CEP350: variants seen among roughly 807,000 people sequenced by gnomAD.
CEP350 encodes centrosomal protein 350.
In CEP350, 126 loss-of-function variants were observed where a neutral mutation model predicts 331.8. That is an observed-to-expected ratio of 0.38 (90% CI 0.33 to 0.44). The LOEUF (loss-of-function observed/expected upper bound fraction) is 0.44, where lower values mean the gene tolerates loss of function less well. Ranked by LOEUF, CEP350 falls within the 20% of genes least tolerant of loss-of-function variation. The pLI is 1.00. For synonymous variants in CEP350, 1,200 were observed against 1,259.5 expected, an observed-to-expected ratio of 0.95 and a Z score of 1.00; for missense variants, 3,406 against 3,634.6, an observed-to-expected ratio of 0.94 and a Z score of 1.62.
rs1410959674 is a variant in CEP350, at chr1:179,996,682, T to C, written c.525T>C (p.Asn175=). Reference sequence around the variant, plus strand: ...TGATAGGCAGTCGAGAAGAACGGAATATACGGAGCTGTGATTTTGAGAGCT... The same window carrying C: ...TGATAGGCAGTCGAGAAGAACGGAACATACGGAGCTGTGATTTTGAGAGCT... ...NWMIGSREER[N]IRSCDFESSQ... Residue 175 remains asparagine (N), a synonymous_variant, in exon 6 of 38, where the codon AAT becomes AAC. Coordinates refer to ENST00000367607, the MANE Select transcript of CEP350 (RefSeq NM_014810.5). 3 of 1,613,706 alleles carry C rather than the reference T, an allele frequency of 1.9e-6. No individual in the cohort carries two copies. The highest frequency in any genetic ancestry group is 2.5e-6 in the Non-Finnish European group (3 of 1,179,768).
At chr1:179,963,770 G>A (rs1383567106) in intron 1 of CEP350, among the ~76,000 whole-genome samples, 1 of 152,076 alleles carries the variant, frequency 6.6e-6, no homozygotes, top group Non-Finnish European at 1.5e-5. Flanking sequence ...GTTGGGTAAT[G>A]TGATGCCTCC....
intron 36 of CEP350, among the ~76,000 whole-genome samples, chr1:180,096,650 G>A (rs74522380): frequency 0.084 from 12,791 of 152,172 alleles, 703 homozygotes; most frequent in Non-Finnish European, 0.12. Context: ...GACTTTGGAG[G>A]TTTCAAATTG....
chr1:180,027,432 A>G (rs1655751812), intron 14 of CEP350, among the ~76,000 whole-genome samples: 1 of 152,130 alleles, frequency 6.6e-6, no homozygotes, highest in South Asian at 2.1e-4. Context: ...AGGCTGGAGT[A>G]CAGTGGTGTG....
At chr1:180,012,361 A>T (rs1292702845) in intron 9 of CEP350, among the ~76,000 whole-genome samples, 1 of 152,218 alleles carries the variant, frequency 6.6e-6, no homozygotes, top group Non-Finnish European at 1.5e-5. Context: ...ACTTTTAGGG[A>T]CCTTAGAGAG....
At chr1:180,048,847 T>C in intron 22 of CEP350, 142 bp downstream of exon 22, 1 of 675,068 alleles carries the variant, frequency 1.5e-6, no homozygotes, top group Non-Finnish European at 2.5e-6. Context: ...GCTGGGAGAA[T>C]TGCTTGAGCC....
At chr1:180,079,072 G>A (rs1038755406) in intron 29 of CEP350, among the ~76,000 whole-genome samples, 34 of 151,990 alleles carry the variant, frequency 2.2e-4, no homozygotes, top group Admixed American at 1.7e-3. Flanking sequence ...AAAAGTAATG[G>A]TTTAGCCTCT....
rs1055652155 is a variant in CEP350 at position 179,998,647 on chromosome 1, C to T, written c.1018+1472C>T. ...TTTAAGTAACTAACAATCTAGGGCA[C>T]TTTTTTATTGTAATCAGTTTTGTTT... is the stretch of plus-strand genomic sequence containing the variant. On this transcript the variant is annotated intron_variant, in intron 6 of 37. Coordinates refer to ENST00000367607, the MANE Select transcript of CEP350 (RefSeq NM_014810.5). 4.6e-5 allele frequency among the ~76,000 whole-genome samples: 7 copies of T among 152,044 alleles called. No homozygotes were observed. The South Asian group carries it at 1.5e-3, about 32-fold the overall frequency.
At position 180,036,994 on chromosome 1, in the gene CEP350, A is replaced by G. The variant is rs1473672217; in HGVS notation, c.4015A>G (p.Ile1339Val). 6.3e-7 allele frequency: 1 copy of G among 1,599,704 alleles called. No homozygotes were observed. The highest frequency in any genetic ancestry group is 2.2e-5 in the East Asian group (1 of 44,574). Reference protein sequence around the residue: ...MAAELSYLNAIEESVRQLSDV... With the variant: ...MAAELSYLNAVEESVRQLSDV... ...AGCAGAACTCAGTTATCTGAACGCCATTGAGGAGTCGGTGCGCCAACTGTC... is the reference window on the plus strand; with the variant it reads ...AGCAGAACTCAGTTATCTGAACGCCGTTGAGGAGTCGGTGCGCCAACTGTC... Residue 1339 changes from isoleucine (I) to valine (V), a missense_variant, in exon 17 of 38, where the codon ATT becomes GTT. Ile to Val is a conservative substitution (Grantham distance 29). Around this residue, in one of 5 missense-constraint regions of CEP350, gnomAD observed 1,857 missense variants for 1,909.2 expected, o/e 0.97. Coordinates refer to ENST00000367607, the MANE Select transcript of CEP350 (RefSeq NM_014810.5).
chr1:180,093,045 C>T lies in CEP350; in HGVS notation c.6940C>T (p.Leu2314=). 1 of 1,605,996 alleles carries T rather than the reference C, an allele frequency of 6.2e-7. No homozygotes were observed. The change falls in exon 34 of 38, where the codon CTA becomes TTA. Residue 2314 remains leucine, a synonymous_variant. Coordinates refer to ENST00000367607, the MANE Select transcript of CEP350 (RefSeq NM_014810.5). ...PLDSENVQKD[L]VGLAIENLHK... ...AGATTCTGAAAATGTTCAGAAAGAC[C>T]TAGTTGGATTAGCTATTGAAAATCT...
rs192360953 is a variant in CEP350, at chr1:180,056,502, C to T, written c.5262+2000C>T. ...TTTTTTTTTTTGAGACAGGGTCCCA[C>T]TCTGTTTCCCAGGCTGGAGTACAGT... is the stretch of plus-strand genomic sequence containing the variant. On this transcript the variant is annotated intron_variant, in intron 25 of 37. Coordinates refer to ENST00000367607, the MANE Select transcript of CEP350 (RefSeq NM_014810.5). Among the ~76,000 whole-genome samples the T allele has an allele frequency of 4.2e-5, 5 of 118,718 alleles. No individual in the cohort carries two copies. In the East Asian group the frequency reaches 1.2e-3, roughly 28 times the overall value. The allele number at this position is 118,718 out of a possible 152,430, so 77.9% of individuals were successfully genotyped here.
At chr1:180,022,598 T>A in intron 12 of CEP350, 100 bp from the exon 13 acceptor site, 1 of 933,242 alleles carries the variant, frequency 1.1e-6, no homozygotes. Context: ...GAAACTAAAA[T>A]GTCCCTAAGC....
intron 12 of CEP350, among the ~76,000 whole-genome samples, chr1:180,022,278 C>CT (rs140665643): frequency 0.084 from 12,773 of 151,984 alleles, 825 homozygotes; most frequent in African/African-American, 0.19. Context: ...AAAATTGTTT[C>CT]TTCTTAAATT....
chr1:180,040,147 C>T (rs1201773629), intron 17 of CEP350, among the ~76,000 whole-genome samples: 1 of 152,026 alleles, frequency 6.6e-6, no homozygotes, highest in Non-Finnish European at 1.5e-5. Context: ...CTCCCCCCGC[C>T]ACTGCCCGAC....
chr1:179,984,987 TTATTGTGGTAACA>T (rs1166814367), intron 1 of CEP350, among the ~76,000 whole-genome samples: 3 of 152,178 alleles, frequency 2.0e-5, no homozygotes, highest in Non-Finnish European at 4.4e-5. Context: ...CTTTCTTTTT[TTATTGTGGTAACA>T]TATACATAAC....
chr1:180,020,604 C>G lies in CEP350; in HGVS notation c.2830C>G (p.Pro944Ala). 1 of 1,613,974 alleles carries G rather than the reference C, an allele frequency of 6.2e-7. No homozygotes were observed. Among genetic ancestry groups the G allele is most frequent in the Middle Eastern group, 1.6e-4 (1 of 6,062 alleles). Residue 944 changes from proline to alanine, a missense_variant, in exon 12 of 38, where the codon CCA (proline) becomes GCA (alanine). By Grantham distance (27) the Pro-to-Ala change is conservative (BLOSUM62 -1). Coordinates refer to ENST00000367607, the MANE Select transcript of CEP350 (RefSeq NM_014810.5). ...SFRVRSPGPK[P>A]EGLLAQLCKR... ...TAGAGTGAGATCCCCTGGTCCCAAA[C>G]CAGAAGGGCTACTGGCACAGTTATG...
chr1:180,054,298 C>A, intron 24 of CEP350, 117 bp from the exon 25 acceptor site: 1 of 865,618 alleles, frequency 1.2e-6, no homozygotes, highest in South Asian at 1.6e-5. Context: ...AACTGCTTTT[C>A]ACATTTGAAA....
chr1:180,048,790 T>C, intron 22 of CEP350, 85 bp downstream of exon 22: 1 of 1,026,616 alleles, frequency 9.7e-7, no homozygotes, highest in African/African-American at 1.6e-5. Context: ...GCAAATAAGC[T>C]GGATGTGGTG....
intron 32 of CEP350, among the ~76,000 whole-genome samples, chr1:180,089,653 C>T (rs925700486): frequency 1.3e-5 from 2 of 151,956 alleles, no homozygotes; most frequent in East Asian, 1.9e-4. Flanking sequence ...AGATGACTCC[C>T]GGGTTTCTCT....
chr1:180,038,285 G>A (rs942713620), intron 17 of CEP350, among the ~76,000 whole-genome samples: 1 of 152,022 alleles, frequency 6.6e-6, no homozygotes, highest in South Asian at 2.1e-4. Flanking sequence ...TTGTTTATCA[G>A]TTTTCCTATT....
Sources: gnomAD v4.1 joint callset for allele counts (sites outside exome capture counted in the v4.1 genomes callset) on GRCh38, gnomAD v4.1.1 for gene constraint, gnomAD v4.1.1 regional missense constraint, MANE v1.5 for transcripts, NCBI Gene and HGNC (gene_info 2026-07-23, HGNC 2026-07-21) for gene names.